Variants in PSTPIP1 observed in about 807,000 individuals in gnomAD.
PSTPIP1 encodes the protein proline-serine-threonine phosphatase interacting protein 1.
Under a neutral mutation model 69.6 loss-of-function variants are expected in PSTPIP1, and 66 were observed. The observed-to-expected ratio is 0.95, with a 90% CI of 0.78 to 1.16. The LOEUF (loss-of-function observed/expected upper bound fraction) is 1.16. Ranked by LOEUF, PSTPIP1 falls within the 50% of genes most tolerant of loss-of-function variation. The pLI, the probability that PSTPIP1 is intolerant of heterozygous loss-of-function variation, is 0.00. For synonymous variants in PSTPIP1, 266 were observed against 222.7 expected (o/e 1.19, Z -1.73); for missense variants, 603 against 557.4 (o/e 1.08, Z -0.82).
In PSTPIP1 at chr15:77,037,285, G is replaced by T. The variant is rs533264055; in HGVS notation, c.*109G>T. 17 of 1,404,166 alleles carry T rather than the reference G, an allele frequency of 1.2e-5. No homozygotes were observed. In the African/African-American group the frequency reaches 2.3e-4, roughly 19 times the overall value. 87.0% of individuals were successfully genotyped at this position (1,404,166 alleles called of 1,614,324 possible). A position where few individuals can be genotyped will look rare whatever the true frequency, so the allele number is the denominator to read the frequency against. The stretch of plus-strand genomic sequence containing the variant: ...AGAACCAAGCGTCCCCCAGCCCCGA[G>T]AGGGAGCCTGTCGTCTCCCAGGGAA... On this transcript the variant is annotated 3_prime_UTR_variant, in exon 15 of 15. Transcript: ENST00000558012.
chr15:77,029,524 C>G lies in PSTPIP1; in HGVS notation c.517-5C>G. 1 of 1,577,808 alleles carries G rather than the reference C, an allele frequency of 6.3e-7. No individual in the cohort carries two copies. Among genetic ancestry groups the G allele is most frequent in the Non-Finnish European group, 8.6e-7 (1 of 1,162,792 alleles). On this transcript the variant is annotated splice_region_variant and splice_polypyrimidine_tract_variant and intron_variant, in intron 7 of 14. Transcript: ENST00000558012. ...CTTAGCGCTGCTTCCCCTCTGTTTC[C>G]TCAGAGTCAGAACAAAGCCAGGCAG...
In PSTPIP1 at chr15:77,035,820, C is replaced by T. The variant is rs780825166; in HGVS notation, c.1004C>T (p.Thr335Ile). 1.9e-6 allele frequency: 3 copies of T among 1,608,926 alleles called. No homozygotes were observed. The highest frequency in any genetic ancestry group is 2.7e-5 in the African/African-American group (2 of 74,936). The change falls in exon 14 of 15, where the codon ACC becomes ATC. Residue 335 changes from threonine (T) to isoleucine (I), a missense_variant. Coordinates refer to ENST00000558012, the MANE Select transcript of PSTPIP1 (RefSeq NM_003978.5). ...CTCTTAGCGTCCACAGAGACCCTGA[C>T]CCCCACCCCCGAGCGGAATGAGGGT... is the stretch of plus-strand genomic sequence containing the variant. The part of the protein sequence containing the change: ...AASAASTETL[T>I]PTPERNEGVY...
At chr15:76,994,741 G>A (rs924665586), upstream of PSTPIP1, 2 of 1,288,694 alleles carry the variant, frequency 1.6e-6, no homozygotes, top group African/African-American at 3.0e-5. Flanking sequence ...CAGACTATGG[G>A]CTCCTTGAGG....
chr15:77,005,940 T>G (rs2075806737), intron 1 of PSTPIP1, among the ~76,000 whole-genome samples: 1 of 152,264 alleles, frequency 6.6e-6, no homozygotes, highest in African/African-American at 2.4e-5. Context: ...AATGCTGCCA[T>G]GAACATTGGT....
chr15:77,010,963 A>G (rs1596066618), intron 1 of PSTPIP1, among the ~76,000 whole-genome samples: 1 of 152,006 alleles, frequency 6.6e-6, no homozygotes, highest in African/African-American at 2.4e-5. Flanking sequence ...TCTTTTCTGC[A>G]TGTTTTGGTT....
intron 1 of PSTPIP1, among the ~76,000 whole-genome samples, chr15:77,014,158 C>T (rs556826963): frequency 3.3e-5 from 5 of 152,274 alleles, no homozygotes; most frequent in African/African-American, 1.2e-4. Flanking sequence ...ATCCCAGCTG[C>T]ACCCGGCAGG....
At position 76,998,074 on chromosome 15, in the gene PSTPIP1, C is replaced by T. The variant is rs146534895; in HGVS notation, c.36+2465C>T. Among the ~76,000 whole-genome samples the T allele has an allele frequency of 8.8e-3, 1,336 of 152,272 alleles. 18 individuals are homozygous for T. Among genetic ancestry groups the T allele is most frequent in the African/African-American group, 0.031 (1,279 of 41,548 alleles). ...CCAACATGGTGAAACCCTGTCTCTA[C>T]TAAAAATACAAAAATTAGCCAGGCG... On this transcript the variant is annotated intron_variant, in intron 1 of 14. Coordinates refer to ENST00000558012, the MANE Select transcript of PSTPIP1 (RefSeq NM_003978.5).
chr15:76,999,805 C>G (rs1029760199), intron 1 of PSTPIP1, among the ~76,000 whole-genome samples: 4 of 152,210 alleles, frequency 2.6e-5, no homozygotes, highest in African/African-American at 9.6e-5. Flanking sequence ...CATCCTCTCC[C>G]AGGTCCCCCA....
At position 77,037,032 on chromosome 15, in the gene PSTPIP1, A is replaced by T; in HGVS notation, c.1120-13A>T. ...GCCCTTCCAACGTCATGCGCTTTCA[A>T]TCTCTTGGCCAGAACCCAGATGAGC... On this transcript the variant is annotated splice_polypyrimidine_tract_variant and intron_variant, in intron 14 of 14. Coordinates refer to ENST00000558012, the MANE Select transcript of PSTPIP1 (RefSeq NM_003978.5). The T allele has an allele frequency of 6.2e-7, 1 of 1,611,112 alleles. No individual in the cohort carries two copies. The highest frequency in any genetic ancestry group is 8.5e-7 in the Non-Finnish European group (1 of 1,178,984).
At chr15:77,020,876 G>C (rs959825286) in intron 3 of PSTPIP1, among the ~76,000 whole-genome samples, 2 of 144,176 alleles carry the variant, frequency 1.4e-5, no homozygotes, top group Non-Finnish European at 3.1e-5. Flanking sequence ...TGTGGGGGGG[G>C]GGGGTGTGTG....
intron 1 of PSTPIP1, among the ~76,000 whole-genome samples, chr15:77,013,460 C>T (rs934786290): frequency 6.6e-6 from 1 of 152,130 alleles, no homozygotes; most frequent in Non-Finnish European, 1.5e-5. Flanking sequence ...CATCTCATTG[C>T]CCTGGTACTG....
chr15:77,035,709 C>A, intron 13 of PSTPIP1, 93 bp from the exon 14 acceptor site: 16 of 1,493,524 alleles, frequency 1.1e-5, no homozygotes, highest in Non-Finnish European at 1.4e-5. Context: ...AAGGAAGAGG[C>A]AGGGCCCAGC....
chr15:77,028,475 T>G, intron 6 of PSTPIP1, 79 bp from the exon 7 acceptor site: 1 of 1,259,292 alleles, frequency 7.9e-7, no homozygotes, highest in South Asian at 1.5e-5. Flanking sequence ...AAAGGGAGGC[T>G]GGGCTAAGGG....
intron 14 of PSTPIP1, among the ~76,000 whole-genome samples, chr15:77,036,183 C>T (rs981924935): frequency 2.3e-4 from 35 of 152,196 alleles, no homozygotes; most frequent in African/African-American, 8.4e-4. Context: ...CATGTACTGA[C>T]TGGAAGCTGG....
At position 77,018,474 on chromosome 15, in the gene PSTPIP1, G is replaced by A. The variant is rs751618284; in HGVS notation, c.155G>A (p.Arg52Gln). 8.8e-6 allele frequency: 14 copies of A among 1,583,880 alleles called. No individual in the cohort carries two copies. The highest frequency in any genetic ancestry group is 2.3e-5 in the South Asian group (2 of 86,462). Residue 52 changes from arginine to glutamine, a missense_variant, in exon 3 of 15, where the codon CGG (arginine) becomes CAG (glutamine). Physicochemically the swap from Arg to Gln is conservative, Grantham distance 43 (BLOSUM62 1). Coordinates refer to ENST00000558012, the MANE Select transcript of PSTPIP1 (RefSeq NM_003978.5). ...LLRQRAQAEE[R>Q]YGKELVQIAR... ...TTTTGCAGGGCCCAGGCGGAGGAGC[G>A]GTACGGGAAGGAGCTGGTGCAGATC...
intron 1 of PSTPIP1, among the ~76,000 whole-genome samples, chr15:77,004,610 T>C (rs1328823146): frequency 6.6e-6 from 1 of 151,688 alleles, no homozygotes; most frequent in Non-Finnish European, 1.5e-5. Flanking sequence ...TCCCAGCACT[T>C]TGGGAGGCTG....
At chr15:77,036,012 G>T (rs2076563085) in intron 14 of PSTPIP1, 77 bp downstream of exon 14, 3 of 1,468,548 alleles carry the variant, frequency 2.0e-6, no homozygotes, top group Non-Finnish European at 1.8e-6. Context: ...CCAGTGCCTT[G>T]CGTCCTCATC....
chr15:77,026,654 A>G (rs2076287025), intron 5 of PSTPIP1, among the ~76,000 whole-genome samples: 1 of 152,224 alleles, frequency 6.6e-6, no homozygotes, highest in Non-Finnish European at 1.5e-5. Context: ...GCTGGCAGAA[A>G]TGTAGCGTGG....
intron 1 of PSTPIP1, among the ~76,000 whole-genome samples, chr15:77,016,747 G>A (rs1249206072): frequency 6.6e-6 from 1 of 152,182 alleles, no homozygotes; most frequent in Non-Finnish European, 1.5e-5. Context: ...CCCTACTTCA[G>A]ATTCTTCTTA....
Sources: gnomAD v4.1 joint callset for allele counts (sites outside exome capture counted in the v4.1 genomes callset) on GRCh38, gnomAD v4.1.1 for gene constraint, MANE v1.5 for transcripts, NCBI Gene and HGNC (gene_info 2026-07-23, HGNC 2026-07-21) for gene names.